The following PRKN variants were observed in gnomAD, a reference collection of about 807,000 sequenced individuals.
PRKN encodes the protein parkin RBR E3 ubiquitin protein ligase.
A neutral mutation model predicts 59.5 loss-of-function variants in PRKN; 56 were observed. That is an observed-to-expected ratio of 0.94 (90% CI 0.76 to 1.18). The LOEUF (loss-of-function observed/expected upper bound fraction) is 1.18, where lower values mean the gene tolerates loss of function less well. Ranked by LOEUF, PRKN falls within the 50% of genes most tolerant of loss-of-function variation. The pLI, the probability that PRKN is intolerant of heterozygous loss-of-function variation, is 0.00. For synonymous variants in PRKN, 250 were observed against 222.1 expected, an observed-to-expected ratio of 1.13 and a Z score of -1.12; for missense variants, 657 against 596.4, an observed-to-expected ratio of 1.10 and a Z score of -1.06.
intron 6 of PRKN, among the ~76,000 whole-genome samples, chr6:161,902,542 C>CTATT (rs1562378390): frequency 1.2e-5 from 1 of 82,668 alleles, no homozygotes; most frequent in Non-Finnish European, 2.6e-5. Flanking sequence ...ATCTATCTAT[C>CTATT]TATCTATTTA....
At chr6:161,651,257 A>G (rs1391279131) in intron 7 of PRKN, among the ~76,000 whole-genome samples, 2 of 152,180 alleles carry the variant, frequency 1.3e-5, no homozygotes, top group East Asian at 1.9e-4. Flanking sequence ...AAAGCACTTC[A>G]TCCCCTTTGG....
At chr6:162,457,751 T>TC (rs1381216580) in intron 1 of PRKN, among the ~76,000 whole-genome samples, 1 of 152,170 alleles carries the variant, frequency 6.6e-6, no homozygotes, top group Non-Finnish European at 1.5e-5. Context: ...GAAGTATTTT[T>TC]TTATAAATAC....
At chr6:161,865,443 T>TA (rs1468598701) in intron 6 of PRKN, among the ~76,000 whole-genome samples, 2 of 152,224 alleles carry the variant, frequency 1.3e-5, no homozygotes, top group Non-Finnish European at 2.9e-5. Context: ...GATTTTTTTT[T>TA]ATCCAACTAT....
chr6:162,685,951 A>C (rs528546356), intron 1 of PRKN, among the ~76,000 whole-genome samples: 4 of 152,152 alleles, frequency 2.6e-5, no homozygotes, highest in Non-Finnish European at 4.4e-5. Flanking sequence ...TCTGCTTTGC[A>C]TGCAATAGAG....
intron 7 of PRKN, among the ~76,000 whole-genome samples, chr6:161,732,149 C>G (rs1787743149): frequency 6.6e-6 from 1 of 150,698 alleles, no homozygotes; most frequent in African/African-American, 2.5e-5. Flanking sequence ...TGTAATGGTG[C>G]AATCTCAGCA....
intron 6 of PRKN, among the ~76,000 whole-genome samples, chr6:161,912,368 T>C (rs1048293978): frequency 6.6e-6 from 1 of 152,108 alleles, no homozygotes; most frequent in African/African-American, 2.4e-5. Flanking sequence ...TCTGCTCTAC[T>C]GGTGGTCACC....
intron 1 of PRKN, among the ~76,000 whole-genome samples, chr6:162,690,529 A>C (rs781611523): frequency 2.0e-5 from 3 of 152,208 alleles, no homozygotes; most frequent in Non-Finnish European, 2.9e-5. Context: ...CACCAAAATC[A>C]CTACATATAC....
intron 1 of PRKN, among the ~76,000 whole-genome samples, chr6:162,630,685 A>G (rs1338002693): frequency 6.6e-6 from 1 of 152,144 alleles, no homozygotes; most frequent in Non-Finnish European, 1.5e-5. Context: ...CATAGAAAAG[A>G]GCCTTGAATT....
chr6:162,320,687 A>G (rs1261374929), intron 2 of PRKN, among the ~76,000 whole-genome samples: 1 of 151,782 alleles, frequency 6.6e-6, no homozygotes, highest in Non-Finnish European at 1.5e-5. Context: ...ATGAAAGGCT[A>G]ATCATATACC....
Position 161,547,005 on chromosome 6 carries a change from T to C in PRKN, c.1083+1849A>G, listed in dbSNP as rs1390742916. On this transcript the variant is annotated intron_variant, in intron 9 of 11. Coordinates refer to ENST00000366898, the MANE Select transcript of PRKN (RefSeq NM_004562.3). The surrounding 1 kb of genome is among the most constrained non-coding windows in gnomAD (Gnocchi z 4.0). ...TTAAGCCTCCAGATAACTGTGACCCTGCTAAACTGCAAACTCAGGAGGAAC... is the reference window on the plus strand; with the variant it reads ...TTAAGCCTCCAGATAACTGTGACCCCGCTAAACTGCAAACTCAGGAGGAAC... 2.0e-5 allele frequency among the ~76,000 whole-genome samples: 3 copies of C among 152,142 alleles called. No individual in the cohort carries two copies. Among genetic ancestry groups the C allele is most frequent in the African/African-American group, 7.2e-5 (3 of 41,414 alleles).
At chr6:162,116,702 A>G (rs1196925216) in intron 4 of PRKN, among the ~76,000 whole-genome samples, 1 of 152,230 alleles carries the variant, frequency 6.6e-6, no homozygotes, top group Admixed American at 6.5e-5. Flanking sequence ...CAGTCTAGAC[A>G]GGCAGAGAAT....
At chr6:161,788,512 G>A (rs1186235252) in intron 6 of PRKN, among the ~76,000 whole-genome samples, 1 of 152,176 alleles carries the variant, frequency 6.6e-6, no homozygotes, top group Non-Finnish European at 1.5e-5. Context: ...AGGGACACAG[G>A]AAGAGTCCTA....
chr6:162,394,080 T>G (rs1787354947), intron 2 of PRKN, among the ~76,000 whole-genome samples: 1 of 152,244 alleles, frequency 6.6e-6, no homozygotes, highest in African/African-American at 2.4e-5. Context: ...ACTTATAATC[T>G]AGCTTGTATT....
intron 7 of PRKN, among the ~76,000 whole-genome samples, chr6:161,649,152 A>G (rs1327632268): frequency 6.6e-6 from 1 of 152,220 alleles, no homozygotes; most frequent in Admixed American, 6.5e-5. Flanking sequence ...AGACAGTGAG[A>G]CAATTCTTCT....
intron 6 of PRKN, among the ~76,000 whole-genome samples, chr6:161,819,991 T>A (rs907705587): frequency 2.0e-5 from 3 of 152,102 alleles, no homozygotes; most frequent in African/African-American, 7.2e-5. Context: ...AAAATTATTA[T>A]CCTCAGTATA....
Position 162,030,464 on chromosome 6 carries a change from T to A in PRKN, c.618+23627A>T, listed in dbSNP as rs73590324. Among the ~76,000 whole-genome samples the A allele has an allele frequency of 4.0e-3, 616 of 152,304 alleles. 6 individuals are homozygous for A. The highest frequency in any genetic ancestry group is 0.013 in the African/African-American group (539 of 41,568). ...CTGTAACATGTCACAGTGATTTGCA[T>A]CTTTGCACCTTTGCAGGAAGCCCCT... On this transcript the variant is annotated intron_variant, in intron 5 of 11. Transcript: ENST00000366898.
intron 9 of PRKN, among the ~76,000 whole-genome samples, chr6:161,420,509 T>C (rs1432102599): frequency 3.3e-5 from 5 of 151,976 alleles, no homozygotes; most frequent in African/African-American, 9.7e-5. Flanking sequence ...TATTTTCTTT[T>C]TTTTCTTTCT....
intron 7 of PRKN, among the ~76,000 whole-genome samples, chr6:161,669,571 G>A (rs1175555322): frequency 6.6e-6 from 1 of 152,230 alleles, no homozygotes; most frequent in Non-Finnish European, 1.5e-5. Flanking sequence ...TGTTCTTCAA[G>A]GGTCAGCATG....
intron 7 of PRKN, among the ~76,000 whole-genome samples, chr6:161,710,126 A>G (rs983473384): frequency 1.3e-5 from 2 of 152,066 alleles, no homozygotes; most frequent in Non-Finnish European, 2.9e-5. Flanking sequence ...TTAAAAAAAA[A>G]AACCTACAGA....
Sources: gnomAD v4.1 joint callset for allele counts (sites outside exome capture counted in the v4.1 genomes callset) on GRCh38, gnomAD v4.1.1 for gene constraint, Gnocchi (gnomAD v3.1) non-coding constraint, MANE v1.5 for transcripts, NCBI Gene and HGNC (gene_info 2026-07-23, HGNC 2026-07-21) for gene names.